Variants in BLM observed in about 807,000 individuals in gnomAD.
BLM encodes the protein BLM RecQ like helicase.
A neutral mutation model predicts 135.3 loss-of-function variants in BLM; 95 were observed. The observed-to-expected ratio is 0.70, with a 90% CI of 0.59 to 0.83. BLM has a LOEUF of 0.83. BLM is among the 40% of genes least tolerant of loss of function. The pLI, the probability that BLM is intolerant of heterozygous loss-of-function variation, is 0.00. For synonymous variants in BLM, 520 were observed against 589.2 expected (o/e 0.88, Z 1.70); for missense variants, 1,518 against 1,663.9 (o/e 0.91, Z 1.53).
rs1008476549 is a variant in BLM at position 90,769,682 on chromosome 15, C to T, written c.2555+96C>T. ...CACCTGTGGCGCTTTAACGCCACCA[C>T]CCCACCCCCACCCCACCCCCATGCC... On this transcript the variant is annotated intron_variant, in intron 12 of 21. Transcript: ENST00000355112. The T allele has an allele frequency of 1.8e-5, 25 of 1,363,364 alleles. No homozygotes were observed. The Admixed American group carries it at 2.4e-4, about 13-fold the overall frequency. 84.5% of individuals were successfully genotyped at this position (1,363,364 alleles called of 1,614,324 possible).
chr15:90,726,047 T>C (rs1055463707), intron 1 of BLM, among the ~76,000 whole-genome samples: 1 of 152,190 alleles, frequency 6.6e-6, no homozygotes, highest in Non-Finnish European at 1.5e-5. Context: ...ATTTATGGGG[T>C]ACATAGTGAT....
chr15:90,803,718 A>G lies in BLM; in HGVS notation c.3556A>G (p.Lys1186Glu), dbSNP rs750532596. 42 of 1,613,804 alleles carry G rather than the reference A, an allele frequency of 2.6e-5. No individual in the cohort carries two copies. The Admixed American group carries it at 6.0e-4, about 23-fold the overall frequency. ...CCAAACTGTACTAAATGGCAATTTA[A>G]AGGTATAGTATTTTTCATGTTTATT... ...KAQTVLNGNL[K>E]VDFMETENSS... The change falls in exon 18 of 22, where the codon AAG becomes GAG. Residue 1186 changes from lysine to glutamate, a missense_variant and splice_region_variant. Lys to Glu is a moderately conservative substitution (Grantham distance 56, BLOSUM62 1). Around this residue, in one of 5 missense-constraint regions of BLM, gnomAD observed 626 missense variants for 681.1 expected, o/e 0.92. Transcript: ENST00000355112.
intron 21 of BLM, among the ~76,000 whole-genome samples, chr15:90,812,236 G>A (rs899799206): frequency 3.9e-5 from 6 of 151,952 alleles, no homozygotes; most frequent in Admixed American, 2.6e-4. Context: ...TGGGAGAATC[G>A]ACCTCCCAGC....
chr15:90,759,030 T>C (rs1314544249), intron 5 of BLM, among the ~76,000 whole-genome samples: 1 of 152,178 alleles, frequency 6.6e-6, no homozygotes, highest in African/African-American at 2.4e-5. Flanking sequence ...TGAAGTTAGT[T>C]AAAAATAAAA....
At chr15:90,732,773 A>T (rs748148502) in intron 1 of BLM, among the ~76,000 whole-genome samples, 5 of 152,180 alleles carry the variant, frequency 3.3e-5, no homozygotes, top group Non-Finnish European at 5.9e-5. Flanking sequence ...TTAGTAAGAG[A>T]ACAGGAAAAC....
chr15:90,750,833 G>A (rs1452368810), intron 3 of BLM, among the ~76,000 whole-genome samples: 1 of 152,078 alleles, frequency 6.6e-6, no homozygotes, highest in Non-Finnish European at 1.5e-5. Context: ...GTATGTATAG[G>A]AAAACACATA....
intron 1 of BLM, among the ~76,000 whole-genome samples, chr15:90,721,308 ATTTG>A (rs1008148780): frequency 6.6e-6 from 1 of 151,806 alleles, no homozygotes; most frequent in African/African-American, 2.4e-5. Flanking sequence ...TTTATCTGTT[ATTTG>A]TTGCTAATTT....
intron 1 of BLM, among the ~76,000 whole-genome samples, chr15:90,739,571 T>C (rs1209520950): frequency 6.6e-6 from 1 of 152,104 alleles, no homozygotes; most frequent in East Asian, 1.9e-4. Context: ...TAGATAAAGC[T>C]TGAGAACACT....
Position 90,815,439 on chromosome 15 carries a change from TAAAC to T in BLM, c.*162_*165del. 1 of 827,566 alleles carries T rather than the reference TAAAC, an allele frequency of 1.2e-6. No homozygotes were observed. The highest frequency in any genetic ancestry group is 1.8e-6 in the Non-Finnish European group (1 of 541,006). The allele number at this position is 827,566 out of a possible 1,614,324, so 51.3% of individuals were successfully genotyped here. On this transcript the variant is annotated 3_prime_UTR_variant, in exon 22 of 22. Coordinates refer to ENST00000355112, the MANE Select transcript of BLM (RefSeq NM_000057.4). The surrounding 1 kb of genome is among the most constrained non-coding windows in gnomAD (Gnocchi z 4.6). ...GGGGTGATAGTTCTTCTTTTTAAAA[TAAAC>T]ATTTTCTTTTGAATAAGCATGTTTT...
chr15:90,779,255 C>A (rs746993383), intron 12 of BLM, among the ~76,000 whole-genome samples: 26 of 152,086 alleles, frequency 1.7e-4, no homozygotes, highest in Non-Finnish European at 2.6e-4. Flanking sequence ...TTTTCACTAG[C>A]GATGTATGAG....
At chr15:90,736,064 GA>G (rs1015887085) in intron 1 of BLM, among the ~76,000 whole-genome samples, 7 of 152,154 alleles carry the variant, frequency 4.6e-5, no homozygotes, top group African/African-American at 1.7e-4. Context: ...AAGCTGCACT[GA>G]AATACCGTTT....
intron 1 of BLM, among the ~76,000 whole-genome samples, chr15:90,729,149 A>G (rs1242061549): frequency 6.6e-6 from 1 of 152,054 alleles, no homozygotes; most frequent in Non-Finnish European, 1.5e-5. Flanking sequence ...ATCTCTACTA[A>G]AAATACAAAA....
rs542089561 is a variant in BLM at position 90,812,496 on chromosome 15, G to A, written c.4076+1090G>A. ...CATAATTGCATTGTTTCTGACAGCC[G>A]CTTTTTGATTTTCTGCCAGGGCACC... is the stretch of plus-strand genomic sequence containing the variant. On this transcript the variant is annotated intron_variant, in intron 21 of 21. Coordinates refer to ENST00000355112, the MANE Select transcript of BLM (RefSeq NM_000057.4). Among the ~76,000 whole-genome samples the A allele has an allele frequency of 7.9e-5, 12 of 152,252 alleles. No homozygotes were observed. In the East Asian group the frequency reaches 1.9e-3, roughly 24 times the overall value.
intron 16 of BLM, among the ~76,000 whole-genome samples, chr15:90,795,796 G>A (rs1164958954): frequency 6.6e-6 from 1 of 152,248 alleles, no homozygotes; most frequent in African/African-American, 2.4e-5. Flanking sequence ...AAGGATAAGA[G>A]CTGTGGTGAA....
At chr15:90,813,355 A>G (rs978013827) in intron 21 of BLM, among the ~76,000 whole-genome samples, 2 of 152,152 alleles carry the variant, frequency 1.3e-5, no homozygotes, top group Admixed American at 1.3e-4. Context: ...ACCCATTTCC[A>G]TGCTTGTTTT....
chr15:90,794,126 C>T (rs568736999), intron 15 of BLM, 41 bp from the exon 16 acceptor site: 13 of 1,428,766 alleles, frequency 9.1e-6, no homozygotes, highest in Middle Eastern at 3.9e-4. Context: ...CTCTATTTTT[C>T]CCCTATAAGT....
chr15:90,743,536 A>AT (rs934224498), intron 1 of BLM, among the ~76,000 whole-genome samples: 1 of 151,266 alleles, frequency 6.6e-6, no homozygotes, highest in Non-Finnish European at 1.5e-5. Flanking sequence ...TGGATGAACA[A>AT]TTTTTTTTAA....
intron 1 of BLM, among the ~76,000 whole-genome samples, chr15:90,731,407 T>C (rs1313964664): frequency 3.3e-5 from 5 of 152,210 alleles, no homozygotes; most frequent in African/African-American, 1.2e-4. Flanking sequence ...GCTGGGGAGT[T>C]GGTTCTTTCT....
intron 12 of BLM, among the ~76,000 whole-genome samples, chr15:90,776,117 G>A (rs1007440376): frequency 1.3e-5 from 2 of 152,128 alleles, no homozygotes; most frequent in Non-Finnish European, 2.9e-5. Context: ...GGCATTTTTT[G>A]TAGCTGTAAC....
Sources: allele counts gnomAD v4.1 joint callset (sites outside exome capture counted in the v4.1 genomes callset), GRCh38; gene constraint gnomAD v4.1.1; regional missense constraint gnomAD v4.1.1; non-coding constraint Gnocchi (gnomAD v3.1); transcripts MANE v1.5; gene names NCBI Gene and HGNC (gene_info 2026-07-23, HGNC 2026-07-21).